FBXL8: variants seen among roughly 807,000 people sequenced by gnomAD.
FBXL8 encodes F-box and leucine rich repeat protein 8, also known as F-box/LRR-repeat protein 8.
Under a neutral mutation model 8.2 loss-of-function variants are expected in FBXL8, and 13 were observed. That is an observed-to-expected ratio of 1.58 (90% CI 1.03 to 2.51). The LOEUF is 2.51. Among genes scored for constraint, FBXL8 ranks in the 30% most tolerant of loss-of-function variants. The probability of loss-of-function intolerance (pLI) is 0.00; values close to 1 mark genes in which losing one functional copy is unlikely to be tolerated. For missense variants in FBXL8, 565 were observed against 540.4 expected, an observed-to-expected ratio of 1.05 and a Z score of -0.45; for synonymous variants, 271 against 260.5, an observed-to-expected ratio of 1.04 and a Z score of -0.39.
chr16:67,162,292 GCA>G (rs2145913052), intron 2 of FBXL8: 1 of 432,618 alleles, frequency 2.3e-6, no homozygotes, highest in South Asian at 2.9e-5. Context: ...TGGCACCACT[GCA>G]CTCCAGCTTG....
Position 67,163,233 on chromosome 16 carries a change from C to A in FBXL8, c.538C>A (p.Pro180Thr). 4 of 1,566,774 alleles carry A rather than the reference C, an allele frequency of 2.6e-6. No individual in the cohort carries two copies. Among genetic ancestry groups the A allele is most frequent in the Non-Finnish European group, 3.5e-6 (4 of 1,156,764 alleles). ...CAGTACCCTAGTGGGCAGCGTGGGT[C>A]CCGGCTCAGTGCTCGAGCTACTGGA... ...DNSTLVGSVG[P>T]GSVLELLEAC... Residue 180 changes from proline to threonine, a missense_variant, in exon 3 of 3, where the codon CCC (proline) becomes ACC (threonine). Pro to Thr is a conservative substitution (Grantham distance 38). Transcript: ENST00000258200.
chr16:67,163,622 C>G lies in FBXL8; in HGVS notation c.927C>G (p.Arg309=), dbSNP rs766259091. 5 of 1,565,504 alleles carry G rather than the reference C, an allele frequency of 3.2e-6. No individual in the cohort carries two copies. The South Asian group carries it at 5.8e-5, about 18-fold the overall frequency. ...YAATLCALEV[R]AAASAELNAA... Reference sequence around the variant, plus strand: ...CAACCCTGTGCGCGCTCGAGGTGCGCGCAGCCGCTTCGGCCGAGCTGAACG... The same window carrying G: ...CAACCCTGTGCGCGCTCGAGGTGCGGGCAGCCGCTTCGGCCGAGCTGAACG... The change falls in exon 3 of 3, where the codon CGC becomes CGG. Residue 309 remains arginine (R), a synonymous_variant. Transcript: ENST00000258200.
intron 2 of FBXL8, 49 bp from the exon 3 acceptor site, chr16:67,162,799 T>A (rs1277237510): frequency 1.3e-6 from 2 of 1,548,330 alleles, no homozygotes; most frequent in South Asian, 2.4e-5. Flanking sequence ...GCTTCTCCGC[T>A]GGTCGCAGGG....
In FBXL8 at chr16:67,161,896, C is replaced by T. The variant is rs757183438; in HGVS notation, c.111C>T (p.Ala37=). 1.5e-5 allele frequency: 24 copies of T among 1,611,382 alleles called. No individual in the cohort carries two copies. In the Middle Eastern group the frequency reaches 6.6e-4, roughly 44 times the overall value. ...CCAGGGTCTGCAGGGCCTGGGCCGC[C>T]GCTGCTACCTGCAGCGCCGTGTGGC... ...AAARVCRAWA[A]AATCSAVWHD... The change falls in exon 2 of 3, where the codon GCC becomes GCT. Residue 37 remains alanine (A), a synonymous_variant. Coordinates refer to ENST00000258200, the MANE Select transcript of FBXL8 (RefSeq NM_018378.3).
In FBXL8 at chr16:67,161,934, T is replaced by G; in HGVS notation, c.149T>G (p.Ile50Ser). 1 of 1,605,468 alleles carries G rather than the reference T, an allele frequency of 6.2e-7. No homozygotes were observed. ...AGCGCCGTGTGGCACGACACAAAAATCAGGTGAGCCTGCTCCTCCACACTC... is the reference window on the plus strand; with the variant it reads ...AGCGCCGTGTGGCACGACACAAAAAGCAGGTGAGCCTGCTCCTCCACACTC... ...TCSAVWHDTK[I>S]SCECELEGML... Residue 50 changes from isoleucine to serine, a missense_variant, in exon 2 of 3, where the codon ATC becomes AGC. By Grantham distance (142) the Ile-to-Ser change is moderately radical. Transcript: ENST00000258200.
chr16:67,163,721 G>A lies in FBXL8; in HGVS notation c.1026G>A (p.Ser342=), dbSNP rs1225263025. Residue 342 remains serine, a synonymous_variant, in exon 3 of 3, where the codon TCG becomes TCA. Transcript: ENST00000258200. ...ATTGTTTCTGCGTGGTGAGCCACTC[G>A]GTGCTGGACGCCTTCCGCGCGCACT... ...EVHCFCVVSH[S]VLDAFRAHCP... The A allele has an allele frequency of 1.1e-5, 18 of 1,594,754 alleles. No individual in the cohort carries two copies. Among genetic ancestry groups the A allele is most frequent in the Non-Finnish European group, 1.4e-5 (17 of 1,177,882 alleles).
chr16:67,162,703 G>A, intron 2 of FBXL8, 145 bp from the exon 3 acceptor site: 1 of 1,130,974 alleles, frequency 8.8e-7, no homozygotes, highest in Non-Finnish European at 1.3e-6. Context: ...CTCCTTTGGG[G>A]CAACAGTCGT....
chr16:67,163,614 G>T lies in FBXL8; in HGVS notation c.919G>T (p.Glu307Ter). The T allele has an allele frequency of 6.4e-7, 1 of 1,568,410 alleles. No individual in the cohort carries two copies. The highest frequency in any genetic ancestry group is 1.4e-5 in the African/African-American group (1 of 72,904). ...CTACGCCGCAACCCTGTGCGCGCTC[G>T]AGGTGCGCGCAGCCGCTTCGGCCGA... ...HHYAATLCAL[E>*]VRAAASAELN... The change falls in exon 3 of 3, where the codon GAG becomes TAG. Residue 307 changes from glutamate to a stop codon, truncating the protein, a stop_gained. Transcript: ENST00000258200. LOFTEE classifies it high-confidence loss of function.
Position 67,163,805 on chromosome 16 carries a change from T to TC in FBXL8, c.1110_1111insC (p.Thr371HisfsTer34). 1 of 1,555,996 alleles carries TC rather than the reference T, an allele frequency of 6.4e-7. No homozygotes were observed. Among genetic ancestry groups the TC allele is most frequent in the Non-Finnish European group, 8.6e-7 (1 of 1,158,580 alleles). On this transcript the variant is annotated frameshift_variant, in exon 3 of 3. Transcript: ENST00000258200. LOFTEE classifies it high-confidence loss of function. Reference sequence around the variant, plus strand: ...CGCGCGAGCCGCATCCCTGGAGGCCTACGCTCGTGGCGTGATTGGGCGACT... The same window carrying TC: ...CGCGCGAGCCGCATCCCTGGAGGCCTCACGCTCGTGGCGTGATTGGGCGACT...
Position 67,163,636 on chromosome 16 carries a change from C to A in FBXL8, c.941C>A (p.Ala314Asp). 1 of 1,564,838 alleles carries A rather than the reference C, an allele frequency of 6.4e-7. No individual in the cohort carries two copies. Residue 314 changes from alanine to aspartate, a missense_variant, in exon 3 of 3, where the codon GCC (alanine) becomes GAC (aspartate). By Grantham distance (126) the Ala-to-Asp change is moderately radical. Transcript: ENST00000258200. ...CTCGAGGTGCGCGCAGCCGCTTCGGCCGAGCTGAACGCCGCGCTGGAGGAG... is the reference window on the plus strand; with the variant it reads ...CTCGAGGTGCGCGCAGCCGCTTCGGACGAGCTGAACGCCGCGCTGGAGGAG... ...CALEVRAAAS[A>D]ELNAALEELA...
chr16:67,163,281 C>T lies in FBXL8; in HGVS notation c.586C>T (p.Leu196Phe), dbSNP rs540678921. 16 of 1,573,290 alleles carry T rather than the reference C, an allele frequency of 1.0e-5. No homozygotes were observed. In the South Asian group the frequency reaches 1.4e-4, roughly 14 times the overall value. The change falls in exon 3 of 3, where the codon CTC (leucine) becomes TTC (phenylalanine). Residue 196 changes from leucine to phenylalanine, a missense_variant. Transcript: ENST00000258200. ...GGAGGCCTGCCCGCGCCTGCGCGCT[C>T]TCGGCCTGCACCTAGCCAGTTTGTC... ...LLEACPRLRALGLHLASLSHA... is the reference protein window; with the variant it reads ...LLEACPRLRAFGLHLASLSHA...
In FBXL8 at chr16:67,163,853, G is replaced by A. The variant is rs755783940; in HGVS notation, c.*33G>A. 4.6e-6 allele frequency: 7 copies of A among 1,512,472 alleles called. No homozygotes were observed. Among genetic ancestry groups the A allele is most frequent in the Non-Finnish European group, 6.1e-6 (7 of 1,141,966 alleles). The allele number at this position is 1,512,472 out of a possible 1,614,324, so 93.7% of individuals were successfully genotyped here. A position where few individuals can be genotyped will look rare whatever the true frequency, so the allele number is the denominator to read the frequency against. The stretch of plus-strand genomic sequence containing the variant: ...ACTTCTCTCCCCCGTCCCCGTGGAC[G>A]TAAGCGCTCTGAGAGGGAACGGGGG... On this transcript the variant is annotated 3_prime_UTR_variant, in exon 3 of 3. Transcript: ENST00000258200.
rs2031027328 is a variant in FBXL8, at chr16:67,163,653, C to A, written c.958C>A (p.Leu320Met). Residue 320 changes from leucine (L) to methionine (M), a missense_variant, in exon 3 of 3, where the codon CTG (leucine) becomes ATG (methionine). Transcript: ENST00000258200. ...AAASAELNAA[L>M]EELAARCAAL... ...CGCTTCGGCCGAGCTGAACGCCGCG[C>A]TGGAGGAGCTGGCGGCGCGCTGCGC... 1.9e-6 allele frequency: 3 copies of A among 1,570,162 alleles called. No homozygotes were observed. Among genetic ancestry groups the A allele is most frequent in the African/African-American group, 1.4e-5 (1 of 73,174 alleles).
chr16:67,160,260 G>A (rs1376506190), intron 1 of FBXL8: 6 of 152,240 alleles, frequency 3.9e-5, no homozygotes, highest in Non-Finnish European at 8.8e-5. Context: ...AAAACGGGGT[G>A]CCCATGGGTC....
chr16:67,163,177 G>C lies in FBXL8; in HGVS notation c.482G>C (p.Cys161Ser). 6.4e-7 allele frequency: 1 copy of C among 1,562,364 alleles called. No homozygotes were observed. Among genetic ancestry groups the C allele is most frequent in the South Asian group, 1.2e-5 (1 of 85,486 alleles). The change falls in exon 3 of 3, where the codon TGT becomes TCT. Residue 161 changes from cysteine to serine, a missense_variant. Coordinates refer to ENST00000258200, the MANE Select transcript of FBXL8 (RefSeq NM_018378.3). Reference sequence around the variant, plus strand: ...CTGGTGCTGCAGGCGGCGCGCAGCTGTCCCGAGCTCCACAGCCTTTTTCTG... The same window carrying C: ...CTGGTGCTGCAGGCGGCGCGCAGCTCTCCCGAGCTCCACAGCCTTTTTCTG... ...DALVLQAARS[C>S]PELHSLFLDN... is the part of the protein sequence containing the mutation.
chr16:67,164,011 C>G lies in FBXL8; in HGVS notation c.*191C>G, dbSNP rs573984716. ...CCTGAGACCACTCGCTGCTCTCACC[C>G]TCTGCAGACGCCCCACCCGCTCGGT... is the stretch of plus-strand genomic sequence containing the variant. On this transcript the variant is annotated 3_prime_UTR_variant, in exon 3 of 3. Coordinates refer to ENST00000258200, the MANE Select transcript of FBXL8 (RefSeq NM_018378.3). 1.1e-4 allele frequency: 89 copies of G among 802,896 alleles called. No individual in the cohort carries two copies. In the East Asian group the frequency reaches 2.0e-3, roughly 18 times the overall value. 49.7% of individuals were successfully genotyped at this position (802,896 alleles called of 1,614,324 possible).
rs1283858109 is a variant in FBXL8 at position 67,163,413 on chromosome 16, G to A, written c.718G>A (p.Glu240Lys). The A allele has an allele frequency of 1.3e-6, 2 of 1,537,370 alleles. No individual in the cohort carries two copies. The highest frequency in any genetic ancestry group is 1.7e-6 in the Non-Finnish European group (2 of 1,147,256). The change falls in exon 3 of 3, where the codon GAA (glutamate) becomes AAA (lysine). Residue 240 changes from glutamate to lysine, a missense_variant. By Grantham distance (56) the Glu-to-Lys change is moderately conservative (BLOSUM62 1). Coordinates refer to ENST00000258200, the MANE Select transcript of FBXL8 (RefSeq NM_018378.3). ...TGCACGCGCGTCCCCGCTGCCCAAC[G>A]AAGCCTGGGTCGCGTTGCGCCGCCG... Reference protein sequence around the residue: ...EDARASPLPNEAWVALRRRHP... With the variant: ...EDARASPLPNKAWVALRRRHP...
At position 67,161,791 on chromosome 16, in the gene FBXL8, C is replaced by G; in HGVS notation, c.6C>G (p.Ala2=). M[A]EPGEGLPEEV... ...ACCCCAGCCGGATCTGGGCCATGGC[C>G]GAGCCTGGAGAGGGACTGCCAGAGG... The change falls in exon 2 of 3, where the codon GCC becomes GCG. Residue 2 remains alanine (A), a synonymous_variant. Transcript: ENST00000258200. 6.2e-7 allele frequency: 1 copy of G among 1,603,628 alleles called. No individual in the cohort carries two copies. The highest frequency in any genetic ancestry group is 1.1e-5 in the South Asian group (1 of 89,432).
chr16:67,162,819 A>G, intron 2 of FBXL8, 29 bp from the exon 3 acceptor site: 1 of 1,549,504 alleles, frequency 6.5e-7, no homozygotes, highest in Non-Finnish European at 8.7e-7. Flanking sequence ...GACTCAGCTG[A>G]GGCCTTTTCT....
Sources: allele counts gnomAD v4.1 joint callset, GRCh38; gene constraint gnomAD v4.1.1; transcripts MANE v1.5; gene names NCBI Gene and HGNC (gene_info 2026-07-23, HGNC 2026-07-21).